The following CDCP2 variants were observed in gnomAD, a reference collection of about 807,000 sequenced individuals.
The protein encoded by CDCP2 is CUB domain containing protein 2.
A neutral mutation model predicts 31.0 loss-of-function variants in CDCP2; 31 were observed. The observed-to-expected ratio is 1.00, with a 90% CI of 0.75 to 1.35. CDCP2 has a LOEUF of 1.35. Among genes scored for constraint, CDCP2 ranks in the 40% most tolerant of loss-of-function variants. The pLI is 0.00. For missense variants in CDCP2, 443 were observed against 482.6 expected, an observed-to-expected ratio of 0.92 and a Z score of 0.77; for synonymous variants, 206 against 207.9, an observed-to-expected ratio of 0.99 and a Z score of 0.08.
intron 1 of CDCP2, among the ~76,000 whole-genome samples, chr1:54,146,191 T>C (rs1659466247): frequency 1.2e-4 from 18 of 149,376 alleles, no homozygotes; most frequent in African/African-American, 4.6e-4. Context: ...ATTTTTTTTT[T>C]TTTTTTTACG....
chr1:54,145,287 G>A (rs370556815), intron 1 of CDCP2, among the ~76,000 whole-genome samples: 5 of 152,204 alleles, frequency 3.3e-5, no homozygotes, highest in East Asian at 1.9e-4. Context: ...TTAGCCAGGC[G>A]TGGTGGTGCG....
rs751771092 is a variant in CDCP2, at chr1:54,140,108, T to A, written c.764-2A>T. On this transcript the variant is annotated splice_acceptor_variant, in intron 3 of 5. Transcript: ENST00000530059. LOFTEE classifies it high-confidence loss of function. ...CCATGTATACCTCCTGGCATTCTCC[T>A]GGATGGGGGATGGGGAGGTGGAAGG... 7 of 1,612,158 alleles carry A rather than the reference T, an allele frequency of 4.3e-6. No homozygotes were observed. In the Admixed American group the frequency reaches 1.2e-4, roughly 27 times the overall value.
chr1:54,141,376 G>A, exon 3 of CDCP2: 1 of 1,614,030 alleles, frequency 6.2e-7, no homozygotes, highest in Middle Eastern at 1.7e-4. Flanking sequence ...GTAGTTGTTG[G>A]GATACTCAGG....
chr1:54,144,361 C>G (rs918310066), intron 2 of CDCP2, 105 bp downstream of exon 2: 9 of 1,052,814 alleles, frequency 8.5e-6, no homozygotes, highest in Non-Finnish European at 1.2e-5. Context: ...TGCCAAATCC[C>G]CCCTTGAACT....
intron 5 of CDCP2, among the ~76,000 whole-genome samples, chr1:54,134,718 T>G (rs1419727385): frequency 9.4e-5 from 13 of 138,088 alleles, no homozygotes; most frequent in Admixed American, 9.3e-4. Flanking sequence ...TCTCATGTGG[T>G]TTTTTTTGTT....
In CDCP2 at chr1:54,133,913, C is replaced by CAAACAAACAAA. The variant is rs748829165; in HGVS notation, c.1297-620_1297-619insTTTGTTTGTTT. Reference sequence around the variant, plus strand: ...TCCATCTCAAAAACAAACAAACAAACAAAAAAAACCCCATGTTACAGAGGA... The same window carrying CAAACAAACAAA: ...TCCATCTCAAAAACAAACAAACAAACAAACAAACAAAAAAAAAAACCCCATGTTACAGAGGA... On this transcript the variant is annotated intron_variant, in intron 5 of 5. Coordinates refer to ENST00000530059, the Ensembl canonical transcript of CDCP2. Among the ~76,000 whole-genome samples the CAAACAAACAAA allele has an allele frequency of 6.6e-3, 954 of 144,862 alleles. 14 individuals carry two copies. The highest frequency in any genetic ancestry group is 0.037 in the East Asian group (171 of 4,640).
At chr1:54,138,209 A>C (rs1036925999) in intron 4 of CDCP2, 2 of 152,392 alleles carry the variant, frequency 1.3e-5, no homozygotes, top group African/African-American at 2.4e-5. Flanking sequence ...TAAGACTATC[A>C]GAGGCAAAAG....
intron 4 of CDCP2, among the ~76,000 whole-genome samples, chr1:54,137,145 C>T (rs141410087): frequency 5.3e-5 from 8 of 152,296 alleles, no homozygotes; most frequent in African/African-American, 1.9e-4. Flanking sequence ...AATCACTTGG[C>T]CATGTGCCAG....
chr1:54,146,833 C>T (rs980189814), intron 1 of CDCP2, among the ~76,000 whole-genome samples: 2 of 151,706 alleles, frequency 1.3e-5, no homozygotes, highest in African/African-American at 4.9e-5. Context: ...GTGGCTCATG[C>T]CTGTAATCCC....
At position 54,133,913 on chromosome 1, in the gene CDCP2, C is replaced by CAAACAAACAAAA. The variant is rs748829165; in HGVS notation, c.1297-620_1297-619insTTTTGTTTGTTT. 7.6e-5 allele frequency among the ~76,000 whole-genome samples: 11 copies of CAAACAAACAAAA among 144,890 alleles called. No homozygotes were observed. The East Asian group carries it at 1.5e-3, about 20-fold the overall frequency. ...TCCATCTCAAAAACAAACAAACAAACAAAAAAAACCCCATGTTACAGAGGA... is the reference window on the plus strand; with the variant it reads ...TCCATCTCAAAAACAAACAAACAAACAAACAAACAAAAAAAAAAAACCCCATGTTACAGAGGA... On this transcript the variant is annotated intron_variant, in intron 5 of 5. Transcript: ENST00000530059.
chr1:54,141,423 G>T (rs565290091), exon 3 of CDCP2: 1 of 1,603,800 alleles, frequency 6.2e-7, no homozygotes, highest in Non-Finnish European at 8.5e-7. Context: ...TCAGGACGCC[G>T]CCACACACAT....
At chr1:54,139,925 G>A (rs1423565733) in exon 4 of CDCP2, 1 of 1,614,232 alleles carries the variant, frequency 6.2e-7, no homozygotes, top group East Asian at 2.2e-5. Flanking sequence ...GATGGTCAAA[G>A]TCACAGGTCT....
intron 4 of CDCP2, among the ~76,000 whole-genome samples, 186 bp from the exon 5 acceptor site, chr1:54,136,994 C>A (rs1192948284): frequency 6.6e-6 from 1 of 152,238 alleles, no homozygotes; most frequent in Non-Finnish European, 1.5e-5. Context: ...CTGTTCACCT[C>A]CATCAGACTG....
intron 2 of CDCP2, chr1:54,141,797 G>A (rs537239501): frequency 5.4e-6 from 1 of 185,392 alleles, no homozygotes; most frequent in East Asian, 1.5e-4. Flanking sequence ...GGAGATCCAG[G>A]GGCCCCCAGG....
intron 1 of CDCP2, among the ~76,000 whole-genome samples, chr1:54,146,877 A>T (rs1462734031): frequency 6.6e-6 from 1 of 151,588 alleles, no homozygotes; most frequent in East Asian, 1.9e-4. Flanking sequence ...CCAGTTCGAG[A>T]CCAGCCTGGG....
At chr1:54,136,037 C>G (rs981421907) in intron 5 of CDCP2, among the ~76,000 whole-genome samples, 1 of 152,160 alleles carries the variant, frequency 6.6e-6, no homozygotes, top group African/African-American at 2.4e-5. Context: ...GGTTCACGGC[C>G]TCCAAAATAC....
Position 54,144,660 on chromosome 1 carries a change from T to A in CDCP2, c.233A>T (p.Glu78Val). Residue 78 changes from glutamate to valine, a missense_variant, in exon 2 of 6, where the codon GAG becomes GTG. Transcript: ENST00000530059. ...GTCGAAGCTGCAGGTGTCGTGGTAC[T>A]CTAGGTCAAAGGCATGGAAGGTGAG... The A allele has an allele frequency of 1.9e-6, 3 of 1,614,214 alleles. No individual in the cohort carries two copies. In the South Asian group the frequency reaches 3.3e-5, roughly 18 times the overall value.
At chr1:54,144,380 C>T in intron 2 of CDCP2, 86 bp downstream of exon 2, 1 of 1,232,770 alleles carries the variant, frequency 8.1e-7, no homozygotes, top group South Asian at 1.5e-5. Flanking sequence ...CTCCTGGGAT[C>T]AAGTAATCCT....
In CDCP2 at chr1:54,144,557, C is replaced by G; in HGVS notation, c.336G>C (p.Pro112=). The change falls in exon 2 of 6, where the codon CCG becomes CCC. Residue 112 remains proline (P), a synonymous_variant. Transcript: ENST00000530059. ...TGACATGCCAGGAGGAGGTGAAGGGCGGCGGGGGCACCTTGCCGCAGAACC... is the reference window on the plus strand; with the variant it reads ...TGACATGCCAGGAGGAGGTGAAGGGGGGCGGGGGCACCTTGCCGCAGAACC... 5 of 1,613,676 alleles carry G rather than the reference C, an allele frequency of 3.1e-6. No individual in the cohort carries two copies. In the South Asian group the frequency reaches 5.5e-5, roughly 18 times the overall value.
Sources: gnomAD v4.1 joint callset for allele counts (sites outside exome capture counted in the v4.1 genomes callset) on GRCh38, gnomAD v4.1.1 for gene constraint, MANE v1.5 for transcripts, NCBI Gene and HGNC (gene_info 2026-07-23, HGNC 2026-07-21) for gene names.